The following CPQ variants were observed in gnomAD, a reference collection of about 807,000 sequenced individuals.
CPQ encodes Ser-Met dipeptidase.
In CPQ, 37 loss-of-function variants were observed where a neutral mutation model predicts 45.7. The ratio of observed to expected loss-of-function variants is 0.81; its 90% CI spans 0.62 to 1.07. CPQ has a LOEUF of 1.07. CPQ is among the 50% of genes least tolerant of loss of function. The pLI is 0.00. For missense variants in CPQ, 537 were observed against 572.9 expected (o/e 0.94, Z 0.64); for synonymous variants, 186 against 205.8 (o/e 0.90, Z 0.82).
At chr8:97,006,401 A>T (rs902709345) in intron 5 of CPQ, among the ~76,000 whole-genome samples, 2 of 152,166 alleles carry the variant, frequency 1.3e-5, no homozygotes, top group African/African-American at 4.8e-5. Context: ...ACTCTCATAC[A>T]GGTCTGTTAT....
chr8:96,910,851 T>A (rs946125654), intron 4 of CPQ, among the ~76,000 whole-genome samples: 6 of 152,056 alleles, frequency 3.9e-5, no homozygotes, highest in Non-Finnish European at 8.8e-5. Flanking sequence ...AGTTGGAAAT[T>A]CTGAAAGGTC....
At chr8:96,789,030 ATGT>A (rs1461150966) in intron 2 of CPQ, among the ~76,000 whole-genome samples, 4 of 151,988 alleles carry the variant, frequency 2.6e-5, no homozygotes, top group South Asian at 4.1e-4. Context: ...ATTTGATGAG[ATGT>A]TGTCATCATA....
intron 7 of CPQ, among the ~76,000 whole-genome samples, chr8:97,122,725 A>C (rs1811728631): frequency 1.3e-5 from 2 of 151,224 alleles, no homozygotes; most frequent in South Asian, 4.2e-4. Context: ...TCTCTACTAA[A>C]GATACATAAA....
At chr8:96,823,352 A>G (rs886479630) in intron 2 of CPQ, among the ~76,000 whole-genome samples, 2 of 152,036 alleles carry the variant, frequency 1.3e-5, no homozygotes, top group African/African-American at 4.8e-5. Flanking sequence ...ATTTTCTTGT[A>G]GGCAAATAAC....
chr8:96,880,463 G>A (rs867303949), intron 4 of CPQ, among the ~76,000 whole-genome samples: 17 of 142,886 alleles, frequency 1.2e-4, no homozygotes, highest in Middle Eastern at 7.7e-3. Flanking sequence ...GCAAAGACAT[G>A]GAATCAACCT....
chr8:96,696,543 A>G (rs904032040), intron 1 of CPQ, among the ~76,000 whole-genome samples: 1 of 152,106 alleles, frequency 6.6e-6, no homozygotes, highest in African/African-American at 2.4e-5. Context: ...AATAAATAAA[A>G]TTAAAATTAA....
intron 2 of CPQ, among the ~76,000 whole-genome samples, chr8:96,793,335 A>T (rs559511608): frequency 1.3e-4 from 20 of 152,310 alleles, no homozygotes; most frequent in Admixed American, 4.6e-4. Context: ...AGGCCTCACA[A>T]TCGTGGCAGA....
chr8:96,759,720 G>T (rs1810374940), intron 1 of CPQ, among the ~76,000 whole-genome samples: 2 of 152,184 alleles, frequency 1.3e-5, no homozygotes, highest in Admixed American at 1.3e-4. Flanking sequence ...AAGTCATGCA[G>T]TGAGTAAGGG....
intron 7 of CPQ, among the ~76,000 whole-genome samples, chr8:97,102,122 G>C (rs1032714642): frequency 2.0e-5 from 3 of 152,128 alleles, no homozygotes; most frequent in Non-Finnish European, 4.4e-5. Context: ...TTTTTAAAAT[G>C]AATGTGATTA....
chr8:96,820,026 G>A (rs1482267500), intron 2 of CPQ, among the ~76,000 whole-genome samples: 1 of 152,050 alleles, frequency 6.6e-6, no homozygotes, highest in Non-Finnish European at 1.5e-5. Context: ...GACAAATCAA[G>A]ATATCTATGG....
intron 2 of CPQ, among the ~76,000 whole-genome samples, chr8:96,834,694 G>A (rs1429066671): frequency 6.6e-6 from 1 of 152,170 alleles, no homozygotes; most frequent in Admixed American, 6.5e-5. Flanking sequence ...TAAAAAAGAA[G>A]CTATCTTTTC....
chr8:96,900,446 T>C (rs1812499598), intron 4 of CPQ, among the ~76,000 whole-genome samples: 1 of 152,136 alleles, frequency 6.6e-6, no homozygotes, highest in African/African-American at 2.4e-5. Context: ...CCATTTGCTG[T>C]AGAATTAGTG....
At chr8:96,729,670 A>T (rs1809885137) in intron 1 of CPQ, among the ~76,000 whole-genome samples, 1 of 152,148 alleles carries the variant, frequency 6.6e-6, no homozygotes, top group African/African-American at 2.4e-5. Context: ...TATTTTTCTT[A>T]AAAATGACAA....
At chr8:97,004,507 C>G (rs981113590) in intron 5 of CPQ, among the ~76,000 whole-genome samples, 4 of 151,966 alleles carry the variant, frequency 2.6e-5, no homozygotes, top group African/African-American at 9.7e-5. Context: ...CTGTATACAT[C>G]AAGAGCTACA....
chr8:96,821,063 T>G (rs1811298483), intron 2 of CPQ, among the ~76,000 whole-genome samples: 1 of 151,962 alleles, frequency 6.6e-6, no homozygotes, highest in Non-Finnish European at 1.5e-5. Context: ...CATGTACTTC[T>G]TGGCCATTTG....
chr8:96,673,446 C>T (rs1224397261), intron 1 of CPQ, among the ~76,000 whole-genome samples: 1 of 152,124 alleles, frequency 6.6e-6, no homozygotes, highest in African/African-American at 2.4e-5. Flanking sequence ...CAAATGAAGA[C>T]TAGGCCTGTG....
intron 4 of CPQ, among the ~76,000 whole-genome samples, chr8:96,950,037 C>A (rs552594873): frequency 1.3e-5 from 2 of 152,188 alleles, no homozygotes; most frequent in South Asian, 4.2e-4. Context: ...AGAAGTCTCA[C>A]CATTACTTCT....
chr8:96,757,091 G>A (rs745578213), intron 1 of CPQ, among the ~76,000 whole-genome samples: 25 of 152,156 alleles, frequency 1.6e-4, no homozygotes, highest in Admixed American at 9.8e-4. Context: ...GACTCATGGC[G>A]TAATACCAGC....
intron 2 of CPQ, among the ~76,000 whole-genome samples, chr8:96,804,524 T>A (rs998243097): frequency 2.0e-5 from 3 of 152,114 alleles, no homozygotes; most frequent in Non-Finnish European, 4.4e-5. Flanking sequence ...TAATTTTTAT[T>A]TGATACAAGA....
Sources: gnomAD v4.1 joint callset for allele counts (sites outside exome capture counted in the v4.1 genomes callset) on GRCh38, gnomAD v4.1.1 for gene constraint, MANE v1.5 for transcripts, NCBI Gene and HGNC (gene_info 2026-07-23, HGNC 2026-07-21) for gene names.